The following EML4 variants were observed in gnomAD, a reference collection of about 807,000 sequenced individuals.
EML4 encodes EMAP like 4.
A neutral mutation model predicts 129.0 loss-of-function variants in EML4; 72 were observed. The observed-to-expected ratio is 0.56, with a 90% CI of 0.46 to 0.68. EML4 has a LOEUF of 0.68. Ranked by LOEUF, EML4 falls within the 30% of genes least tolerant of loss-of-function variation. The pLI is 0.00. For missense variants in EML4, 1,363 were observed against 1,190.6 expected (o/e 1.14, Z -2.13); for synonymous variants, 532 against 405.0 (o/e 1.31, Z -3.77).
Position 42,317,385 on chromosome 2 carries a change from T to C in EML4, c.2057-42T>C, listed in dbSNP as rs375313763. ...AGTAAAATAACAGTAAATAAATTTA[T>C]CAGTATATTTCTCTAGTCAACACTG... On this transcript the variant is annotated intron_variant, in intron 18 of 22. Transcript: ENST00000318522. 23 of 1,190,796 alleles carry C rather than the reference T, an allele frequency of 1.9e-5. No homozygotes were observed. In the African/African-American group the frequency reaches 2.3e-4, roughly 12 times the overall value. 73.8% of individuals were successfully genotyped at this position (1,190,796 alleles called of 1,614,324 possible).
intron 1 of EML4, among the ~76,000 whole-genome samples, chr2:42,225,696 G>T (rs1673913823): frequency 6.6e-6 from 1 of 152,132 alleles, no homozygotes; most frequent in Admixed American, 6.5e-5. Context: ...TAGTGAGCTT[G>T]ATCCACCCTT....
intron 3 of EML4, among the ~76,000 whole-genome samples, chr2:42,260,706 AAAAC>A: frequency 6.6e-6 from 1 of 152,244 alleles, no homozygotes; most frequent in East Asian, 1.9e-4. Flanking sequence ...ATACAGAAAA[AAAAC>A]AGGAATTGGA....
At chr2:42,200,497 G>A (rs1672164284) in intron 1 of EML4, among the ~76,000 whole-genome samples, 2 of 152,308 alleles carry the variant, frequency 1.3e-5, no homozygotes, top group South Asian at 4.1e-4. Context: ...AGGTATTGTG[G>A]TTGTCAGGCA....
chr2:42,194,907 A>G (rs1172142588), intron 1 of EML4, among the ~76,000 whole-genome samples: 2 of 152,176 alleles, frequency 1.3e-5, no homozygotes, highest in Non-Finnish European at 2.9e-5. Context: ...TGTATGGTGT[A>G]AGATAAGAGT....
chr2:42,253,961 T>G lies in EML4; in HGVS notation c.209-2540T>G, dbSNP rs1207024026. Among the ~76,000 whole-genome samples, 5 of 152,332 alleles carry G rather than the reference T, an allele frequency of 3.3e-5. No homozygotes were observed. In the East Asian group the frequency reaches 9.6e-4, roughly 29 times the overall value. On this transcript the variant is annotated intron_variant, in intron 2 of 22. Transcript: ENST00000318522. ...AATCTTGTTCTTTCAAAAACTGTTTTGAAAATAAAAGGGCAAGCTATAGAA... is the reference window on the plus strand; with the variant it reads ...AATCTTGTTCTTTCAAAAACTGTTTGGAAAATAAAAGGGCAAGCTATAGAA...
chr2:42,321,640 A>G (rs1179792492), intron 19 of EML4, among the ~76,000 whole-genome samples: 1 of 152,060 alleles, frequency 6.6e-6, no homozygotes, highest in Non-Finnish European at 1.5e-5. Context: ...AGCCCCACAC[A>G]ATGACTTCTG....
chr2:42,223,671 A>G (rs1673766297), intron 1 of EML4, among the ~76,000 whole-genome samples: 1 of 152,126 alleles, frequency 6.6e-6, no homozygotes, highest in Non-Finnish European at 1.5e-5. Flanking sequence ...TCTAATGTAT[A>G]TTGAAAACAT....
At chr2:42,223,217 A>G (rs1673731713) in intron 1 of EML4, among the ~76,000 whole-genome samples, 1 of 152,134 alleles carries the variant, frequency 6.6e-6, no homozygotes, top group Admixed American at 6.5e-5. Flanking sequence ...TCTCCCTGCT[A>G]CATACATTGT....
Position 42,263,304 on chromosome 2 carries a change from C to G in EML4, c.639C>G (p.Asp213Glu). Reference sequence around the variant, plus strand: ...TACCAAAAGTTACCAAAACTGCAGACAAGTAAGTATTGCACTTTCTTCATT... The same window carrying G: ...TACCAAAAGTTACCAAAACTGCAGAGAAGTAAGTATTGCACTTTCTTCATT... ...KLIPKVTKTA[D>E]KHKDVIINQE... The change falls in exon 5 of 23, where the codon GAC (aspartate) becomes GAG (glutamate). Residue 213 changes from aspartate (D) to glutamate (E), a missense_variant and splice_region_variant. Coordinates refer to ENST00000318522, the MANE Select transcript of EML4 (RefSeq NM_019063.5). The G allele has an allele frequency of 1.3e-6, 2 of 1,597,434 alleles. No individual in the cohort carries two copies. Among genetic ancestry groups the G allele is most frequent in the Non-Finnish European group, 1.7e-6 (2 of 1,170,902 alleles).
At chr2:42,228,189 C>T (rs944329743) in intron 1 of EML4, among the ~76,000 whole-genome samples, 5 of 151,624 alleles carry the variant, frequency 3.3e-5, no homozygotes, top group African/African-American at 1.2e-4. Context: ...CCACTGCACT[C>T]CAGCCTGGGT....
At chr2:42,292,985 T>G (rs1466968347) in intron 11 of EML4, among the ~76,000 whole-genome samples, 1 of 152,218 alleles carries the variant, frequency 6.6e-6, no homozygotes, top group East Asian at 1.9e-4. Context: ...GAGTGAAAAC[T>G]AAAGACTGTT....
At chr2:42,222,173 G>C (rs1208784584) in intron 1 of EML4, among the ~76,000 whole-genome samples, 2 of 152,092 alleles carry the variant, frequency 1.3e-5, no homozygotes, top group Non-Finnish European at 2.9e-5. Flanking sequence ...ATTTTCATTT[G>C]AGAGGAGATA....
intron 1 of EML4, among the ~76,000 whole-genome samples, chr2:42,175,128 T>C (rs1400612137): frequency 6.7e-6 from 1 of 149,562 alleles, no homozygotes; most frequent in African/African-American, 2.5e-5. Flanking sequence ...TTTGTTTGTT[T>C]TTGAGACGGA....
intron 1 of EML4, among the ~76,000 whole-genome samples, chr2:42,175,109 TTTTG>T (rs778141349): frequency 9.8e-5 from 14 of 143,224 alleles, no homozygotes; most frequent in East Asian, 2.1e-4. Flanking sequence ...CTGGCCGTGT[TTTTG>T]TTTGTTTGTT....
intron 1 of EML4, among the ~76,000 whole-genome samples, chr2:42,194,597 A>G (rs1671792856): frequency 6.7e-6 from 1 of 150,020 alleles, no homozygotes; most frequent in South Asian, 2.1e-4. Flanking sequence ...CCCAACCTCC[A>G]CCTCTTGGGC....
intron 2 of EML4, among the ~76,000 whole-genome samples, chr2:42,247,186 A>G (rs2104309459): frequency 6.6e-6 from 1 of 152,316 alleles, no homozygotes; most frequent in South Asian, 2.1e-4. Flanking sequence ...GTAATTGATG[A>G]GGCAAGTGTC....
Position 42,304,518 on chromosome 2 carries a change from G to A in EML4, c.1934G>A (p.Gly645Asp). ...PGHCADFHPS[G>D]TVVAIGTHSG... ...CACTGTGCAGATTTTCATCCAAGTG[G>A]CACAGTGGTGGCCATAGGAACGCAC... The change falls in exon 17 of 23, where the codon GGC becomes GAC. Residue 645 changes from glycine (G) to aspartate (D), a missense_variant. Gly to Asp is a moderately conservative substitution (Grantham distance 94, BLOSUM62 -1). Coordinates refer to ENST00000318522, the MANE Select transcript of EML4 (RefSeq NM_019063.5). 6.2e-7 allele frequency: 1 copy of A among 1,614,044 alleles called. No homozygotes were observed. The highest frequency in any genetic ancestry group is 8.5e-7 in the Non-Finnish European group (1 of 1,179,946).
At chr2:42,270,610 G>A (rs1031766350) in intron 6 of EML4, among the ~76,000 whole-genome samples, 15 of 152,142 alleles carry the variant, frequency 9.9e-5, no homozygotes, top group African/African-American at 3.1e-4. Context: ...AAAATTTATC[G>A]ATAAAGATAT....
At chr2:42,266,862 G>A (rs1666092735) in intron 6 of EML4, among the ~76,000 whole-genome samples, 1 of 152,026 alleles carries the variant, frequency 6.6e-6, no homozygotes. Flanking sequence ...TAATATATAT[G>A]AAATATAAAT....
Sources: allele counts gnomAD v4.1 joint callset (sites outside exome capture counted in the v4.1 genomes callset), GRCh38; gene constraint gnomAD v4.1.1; transcripts MANE v1.5; gene names NCBI Gene and HGNC (gene_info 2026-07-23, HGNC 2026-07-21).